The following SLC9A8 variants were observed in gnomAD, a reference collection of about 807,000 sequenced individuals.
SLC9A8 encodes the protein solute carrier family 9 member A8.
In SLC9A8, 48 loss-of-function variants were observed where a neutral mutation model predicts 66.6. The ratio of observed to expected loss-of-function variants is 0.72; its 90% CI spans 0.57 to 0.92. The LOEUF is 0.92. Ranked by LOEUF, SLC9A8 falls within the 40% of genes least tolerant of loss-of-function variation. The pLI is 0.00. For missense variants in SLC9A8, 599 were observed against 747.3 expected (o/e 0.80, Z 2.31); for synonymous variants, 274 against 282.6 (o/e 0.97, Z 0.31).
chr20:49,881,848 A>G (rs926704172), intron 13 of SLC9A8, among the ~76,000 whole-genome samples: 1 of 152,174 alleles, frequency 6.6e-6, no homozygotes, highest in Non-Finnish European at 1.5e-5. Flanking sequence ...CAGTGAGGCA[A>G]ACTACTTTGT....
intron 7 of SLC9A8, among the ~76,000 whole-genome samples, chr20:49,854,298 C>T (rs1159174294): frequency 6.6e-6 from 1 of 152,124 alleles, no homozygotes; most frequent in Non-Finnish European, 1.5e-5. Flanking sequence ...CCTCTTATGG[C>T]TCCTGCCACT....
chr20:49,854,099 G>A (rs1303100704), intron 7 of SLC9A8, among the ~76,000 whole-genome samples: 2 of 152,138 alleles, frequency 1.3e-5, no homozygotes. Flanking sequence ...CTGGCCATTG[G>A]GTCTCCATGT....
At chr20:49,823,316 G>A (rs1840843410) in intron 3 of SLC9A8, among the ~76,000 whole-genome samples, 175 bp downstream of exon 3, 1 of 152,114 alleles carries the variant, frequency 6.6e-6, no homozygotes, top group South Asian at 2.1e-4. Flanking sequence ...AGGACACTGG[G>A]GCTCAAGAAG....
chr20:49,844,689 A>G (rs2146587021), intron 4 of SLC9A8, among the ~76,000 whole-genome samples: 2 of 150,186 alleles, frequency 1.3e-5, no homozygotes, highest in South Asian at 4.2e-4. Flanking sequence ...AGTCCCAGCT[A>G]CTCAGGAGGC....
chr20:49,826,951 C>CT lies in SLC9A8; in HGVS notation c.289+3820dup, dbSNP rs937839681. Among the ~76,000 whole-genome samples the CT allele has an allele frequency of 4.6e-3, 686 of 147,772 alleles. 7 individuals carry two copies. Among genetic ancestry groups the CT allele is most frequent in the African/African-American group, 0.016 (655 of 40,292 alleles). ...TGAGTTCACATATTTATTTATTTAT[C>CT]TTTTTTTTTTCAGACAGAGTCTCCT... On this transcript the variant is annotated intron_variant, in intron 3 of 15. Coordinates refer to ENST00000361573, the MANE Select transcript of SLC9A8 (RefSeq NM_015266.3).
chr20:49,867,874 G>T (rs2089038862), intron 10 of SLC9A8, among the ~76,000 whole-genome samples: 1 of 152,252 alleles, frequency 6.6e-6, no homozygotes. Context: ...TCAGTTGACA[G>T]AACTTTTCTA....
chr20:49,842,973 C>T (rs947351712), intron 4 of SLC9A8, among the ~76,000 whole-genome samples: 1 of 152,154 alleles, frequency 6.6e-6, no homozygotes, highest in Non-Finnish European at 1.5e-5. Context: ...TTCTTCTCCA[C>T]GTGTCTATGT....
chr20:49,834,181 C>CTATA (rs1429672333), intron 3 of SLC9A8, among the ~76,000 whole-genome samples: 66 of 46,120 alleles, frequency 1.4e-3, no homozygotes, highest in Non-Finnish European at 2.4e-3. Context: ...CTCTCTCTCT[C>CTATA]TCTCTATATA....
intron 4 of SLC9A8, among the ~76,000 whole-genome samples, chr20:49,844,677 G>T (rs986402163): frequency 6.8e-6 from 1 of 147,252 alleles, no homozygotes; most frequent in Non-Finnish European, 1.5e-5. Flanking sequence ...GCACGCACAT[G>T]TAGTCCCAGC....
intron 12 of SLC9A8, among the ~76,000 whole-genome samples, chr20:49,880,255 CTT>C (rs2089576085): frequency 1.2e-5 from 1 of 84,890 alleles, no homozygotes; most frequent in Admixed American, 1.5e-4. Context: ...CAGAGTGAGA[CTT>C]TGTCTCAAAA....
Position 49,812,913 on chromosome 20 carries a change from G to T in SLC9A8, c.-10G>T. Reference sequence around the variant, plus strand: ...GGCTCCGAACTCGGTGGTCCTGGAAGCTCCGCAGGATGGGGGAGAAGATGG... The same window carrying T: ...GGCTCCGAACTCGGTGGTCCTGGAATCTCCGCAGGATGGGGGAGAAGATGG... On this transcript the variant is annotated 5_prime_UTR_variant, in exon 1 of 16. Coordinates refer to ENST00000361573, the MANE Select transcript of SLC9A8 (RefSeq NM_015266.3). The T allele has an allele frequency of 6.7e-7, 1 of 1,490,384 alleles. No individual in the cohort carries two copies. 92.3% of individuals were successfully genotyped at this position (1,490,384 alleles called of 1,614,324 possible).
intron 3 of SLC9A8, among the ~76,000 whole-genome samples, chr20:49,834,183 C>A (rs1039351075): frequency 0.12 from 4,082 of 34,356 alleles, 78 homozygotes; most frequent in Non-Finnish European, 0.14. Context: ...CTCTCTCTCT[C>A]TCTATATATA....
At chr20:49,879,983 G>A (rs1166347857) in intron 12 of SLC9A8, among the ~76,000 whole-genome samples, 1 of 151,748 alleles carries the variant, frequency 6.6e-6, no homozygotes, top group African/African-American at 2.4e-5. Context: ...ACTTTAGGCT[G>A]GGTGCAGTGG....
intron 4 of SLC9A8, among the ~76,000 whole-genome samples, chr20:49,841,982 C>T (rs1279548412): frequency 6.6e-6 from 1 of 152,034 alleles, no homozygotes; most frequent in Non-Finnish European, 1.5e-5. Flanking sequence ...TCAAGTGATC[C>T]TCCCACCTTG....
At chr20:49,830,648 G>T in intron 3 of SLC9A8, 1 of 633,892 alleles carries the variant, frequency 1.6e-6, no homozygotes, top group East Asian at 2.8e-5. Context: ...CTGGAGACAG[G>T]GGCCTATAGG....
At chr20:49,869,562 A>G (rs553890883) in intron 10 of SLC9A8, among the ~76,000 whole-genome samples, 17 of 145,226 alleles carry the variant, frequency 1.2e-4, no homozygotes, top group African/African-American at 4.2e-4. Context: ...GGCCAGGCGC[A>G]GTGGCTCACA....
intron 8 of SLC9A8, among the ~76,000 whole-genome samples, chr20:49,859,706 C>T (rs1366880551): frequency 6.6e-6 from 1 of 152,112 alleles, no homozygotes; most frequent in East Asian, 1.9e-4. Context: ...TCTTCTGTTT[C>T]TTCGGTAACT....
intron 3 of SLC9A8, among the ~76,000 whole-genome samples, chr20:49,835,313 G>T (rs1220873570): frequency 6.6e-6 from 1 of 151,814 alleles, no homozygotes; most frequent in East Asian, 1.9e-4. Context: ...CCATCAGTGG[G>T]GCAATGGTTC....
Position 49,849,626 on chromosome 20 carries a change from T to G in SLC9A8, c.480T>G (p.Phe160Leu), listed in dbSNP as rs2088164937. ...NIGSITLFAV[F>L]GTAISAFVVG... is the part of the protein sequence containing the mutation. ...GTTCCATCACCCTGTTTGCTGTTTT[T>G]GGGACGGCAATCTCCGCTTTTGTAG... Residue 160 changes from phenylalanine (F) to leucine (L), a missense_variant, in exon 6 of 16, where the codon TTT (phenylalanine) becomes TTG (leucine). This residue lies in a region of SLC9A8 where 467 missense variants were observed against 626.5 expected (regional missense o/e 0.75). Coordinates refer to ENST00000361573, the MANE Select transcript of SLC9A8 (RefSeq NM_015266.3). 5 of 1,614,112 alleles carry G rather than the reference T, an allele frequency of 3.1e-6. No homozygotes were observed. The highest frequency in any genetic ancestry group is 2.2e-5 in the East Asian group (1 of 44,890).
Sources: allele counts gnomAD v4.1 joint callset (sites outside exome capture counted in the v4.1 genomes callset), GRCh38; gene constraint gnomAD v4.1.1; regional missense constraint gnomAD v4.1.1; transcripts MANE v1.5; gene names NCBI Gene and HGNC (gene_info 2026-07-23, HGNC 2026-07-21).